AMPD3: variants seen among roughly 807,000 people sequenced by gnomAD.
AMPD3 encodes AMP deaminase 3.
Under a neutral mutation model 82.3 loss-of-function variants are expected in AMPD3, and 57 were observed. The ratio of observed to expected loss-of-function variants is 0.69; its 90% CI spans 0.56 to 0.86. AMPD3 has a LOEUF of 0.86. Ranked by LOEUF, AMPD3 falls within the 40% of genes least tolerant of loss-of-function variation. The pLI is 0.00. For missense variants in AMPD3, 870 were observed against 1,003.8 expected (o/e 0.87, Z 1.80); for synonymous variants, 381 against 394.7 (o/e 0.97, Z 0.41).
At position 10,456,564 on chromosome 11, in the gene AMPD3, A is replaced by C. The variant is rs547997393; in HGVS notation, c.-6+1116A>C. The stretch of plus-strand genomic sequence containing the variant: ...AACTGGCAGTGTTTTAGAACTTTCT[A>C]ACTTTGGGACACTTCTTCAAGTTCA... On this transcript the variant is annotated intron_variant, in intron 1 of 14. Coordinates refer to ENST00000396553, the MANE Select transcript of AMPD3 (RefSeq NM_001025389.2). This position sits in a 1 kb window ranked among gnomAD's most constrained non-coding sequence, Gnocchi z 4.3. 9.1e-6 allele frequency: 9 copies of C among 985,472 alleles called. No individual in the cohort carries two copies. The South Asian group carries it at 4.2e-4, about 46-fold the overall frequency. The allele number at this position is 985,472 out of a possible 1,614,324, so 61.0% of individuals were successfully genotyped here.
At chr11:10,475,843 A>C (rs1848722025) in intron 2 of AMPD3, among the ~76,000 whole-genome samples, 1 of 152,162 alleles carries the variant, frequency 6.6e-6, no homozygotes, top group Admixed American at 6.5e-5. Context: ...CAAAGCCAGC[A>C]AGCAGCCTGG....
rs533012852 is a variant in AMPD3, at chr11:10,504,620, C to G, written c.2088C>G (p.Ile696Met). 2 of 1,614,142 alleles carry G rather than the reference C, an allele frequency of 1.2e-6. No individual in the cohort carries two copies. Among genetic ancestry groups the G allele is most frequent in the African/African-American group, 2.7e-5 (2 of 75,044 alleles). Residue 696 changes from isoleucine (I) to methionine (M), a missense_variant, in exon 14 of 15, where the codon ATC becomes ATG. Coordinates refer to ENST00000396553, the MANE Select transcript of AMPD3 (RefSeq NM_001025389.2). ...WKLSTCDLCEIARNSVLQSGL... is the reference protein window; with the variant it reads ...WKLSTCDLCEMARNSVLQSGL... ...TGAGCACCTGCGACCTGTGTGAGAT[C>G]GCCAGGAACAGCGTGCTGCAGAGCG...
intron 6 of AMPD3, chr11:10,490,354 G>C (rs1849205961): frequency 3.1e-6 from 1 of 318,494 alleles, no homozygotes; most frequent in African/African-American, 2.3e-5. Flanking sequence ...ATAGCAAATA[G>C]GTTTTACCTT....
chr11:10,497,698 A>G, intron 10 of AMPD3: 2 of 984,758 alleles, frequency 2.0e-6, no homozygotes, highest in Non-Finnish European at 2.4e-6. Context: ...TGTTGTGTGG[A>G]GTTGGCCCAG....
intron 13 of AMPD3, among the ~76,000 whole-genome samples, 185 bp downstream of exon 13, chr11:10,503,079 G>T (rs1276557782): frequency 6.6e-6 from 1 of 152,150 alleles, no homozygotes; most frequent in Non-Finnish European, 1.5e-5. Flanking sequence ...TTTCTTTGGG[G>T]TTCTTGAACC....
intron 10 of AMPD3, chr11:10,499,564 C>A: frequency 1.3e-6 from 1 of 746,130 alleles, no homozygotes. Flanking sequence ...CCCTGGTTTG[C>A]TCAATTGTAA....
chr11:10,487,730 C>T (rs1292599071), intron 6 of AMPD3, among the ~76,000 whole-genome samples: 1 of 152,166 alleles, frequency 6.6e-6, no homozygotes, highest in Non-Finnish European at 1.5e-5. Flanking sequence ...AAGAAAGACA[C>T]AGCTGTTAAG....
rs1848084254 is a variant in AMPD3, at chr11:10,456,051, G to A, written c.-6+603G>A. ...TTACTGTTGTAAAGAGGAAGCCGCC[G>A]CTTTAGTTTCCTCTTGTGAGGGCTG... On this transcript the variant is annotated intron_variant, in intron 1 of 14. Transcript: ENST00000396553. This position sits in a 1 kb window ranked among gnomAD's most constrained non-coding sequence, Gnocchi z 4.3. The A allele has an allele frequency of 1.9e-6, 2 of 1,065,234 alleles. No individual in the cohort carries two copies. The highest frequency in any genetic ancestry group is 2.3e-6 in the Non-Finnish European group (2 of 880,628). The allele number at this position is 1,065,234 out of a possible 1,614,324, so 66.0% of individuals were successfully genotyped here.
chr11:10,452,121 T>C (rs900785689), upstream of AMPD3, among the ~76,000 whole-genome samples: 2 of 152,168 alleles, frequency 1.3e-5, no homozygotes, highest in African/African-American at 4.8e-5. Context: ...CTCTGTCTTC[T>C]AAGGTTCTCC....
At position 10,487,400 on chromosome 11, in the gene AMPD3, C is replaced by T. The variant is rs201376797; in HGVS notation, c.939+36C>T. 3.3e-4 allele frequency: 536 copies of T among 1,612,226 alleles called. 8 individuals are homozygous for T. In the South Asian group the frequency reaches 5.2e-3, roughly 16 times the overall value. On this transcript the variant is annotated intron_variant, in intron 6 of 14. Transcript: ENST00000396553. ...GGCGAGTGTTCACAGCTGCCTCACC[C>T]GGTCCCCCTCCCAGCCCATGGGATG...
Position 10,456,384 on chromosome 11 carries a change from G to A in AMPD3, c.-6+936G>A. The A allele has an allele frequency of 6.2e-7, 1 of 1,613,824 alleles. No homozygotes were observed. The highest frequency in any genetic ancestry group is 8.5e-7 in the Non-Finnish European group (1 of 1,179,722). Reference sequence around the variant, plus strand: ...CACTTGAGTGGCATCTTCAGGACCAGTCATGGAGCCAGGCTCAGGTCTGTG... The same window carrying A: ...CACTTGAGTGGCATCTTCAGGACCAATCATGGAGCCAGGCTCAGGTCTGTG... On this transcript the variant is annotated intron_variant, in intron 1 of 14. Coordinates refer to ENST00000396553, the MANE Select transcript of AMPD3 (RefSeq NM_001025389.2). The surrounding 1 kb of genome is among the most constrained non-coding windows in gnomAD (Gnocchi z 4.3).
chr11:10,466,363 G>C (rs1037995921), intron 2 of AMPD3, among the ~76,000 whole-genome samples: 1 of 152,080 alleles, frequency 6.6e-6, no homozygotes, highest in Non-Finnish European at 1.5e-5. Flanking sequence ...GGGGAGGGTC[G>C]TTGGCCATTG....
chr11:10,456,131 A>G lies in AMPD3; in HGVS notation c.-6+683A>G. The G allele has an allele frequency of 1.5e-6, 2 of 1,354,188 alleles. No homozygotes were observed. The highest frequency in any genetic ancestry group is 1.9e-6 in the Non-Finnish European group (2 of 1,052,646). 83.9% of individuals were successfully genotyped at this position (1,354,188 alleles called of 1,614,324 possible). On this transcript the variant is annotated intron_variant, in intron 1 of 14. Transcript: ENST00000396553. This position sits in a 1 kb window ranked among gnomAD's most constrained non-coding sequence, Gnocchi z 4.3. Reference sequence around the variant, plus strand: ...TACCACAGCCATTTTGTTTTGGATAACTGGGATTACCTGGGGACTTCAGGG... The same window carrying G: ...TACCACAGCCATTTTGTTTTGGATAGCTGGGATTACCTGGGGACTTCAGGG...
At chr11:10,455,249 G>T, upstream of AMPD3, 3 of 985,434 alleles carry the variant, frequency 3.0e-6, no homozygotes, top group Non-Finnish European at 3.6e-6. Context: ...CTATGTGTCT[G>T]TTCTGAGCCT....
rs756801671 is a variant in AMPD3 at position 10,501,600 on chromosome 11, T to A, written c.1842+10T>A. The A allele has an allele frequency of 2.5e-6, 4 of 1,614,130 alleles. No individual in the cohort carries two copies. In the South Asian group the frequency reaches 3.3e-5, roughly 13 times the overall value. ...GCTGCTCCTCAAGAAGGTAACCAGG[T>A]CACTCTCGGGAGCCCGTCCTGAGTG... is the stretch of plus-strand genomic sequence containing the variant. On this transcript the variant is annotated intron_variant, in intron 12 of 14. Coordinates refer to ENST00000396553, the MANE Select transcript of AMPD3 (RefSeq NM_001025389.2).
chr11:10,504,319 C>A, intron 13 of AMPD3: 1 of 687,822 alleles, frequency 1.5e-6, no homozygotes, highest in Non-Finnish European at 1.8e-6. Context: ...GGTCTCAGTG[C>A]TGGTCAATGA....
intron 6 of AMPD3, 141 bp from the exon 7 acceptor site, chr11:10,493,208 G>C (rs1247298281): frequency 9.6e-6 from 9 of 934,860 alleles, no homozygotes; most frequent in Admixed American, 1.7e-5. Flanking sequence ...GAGAAATGGG[G>C]GGTGGGATCC....
At chr11:10,451,085 C>T, upstream of AMPD3, 1 of 1,556,998 alleles carries the variant, frequency 6.4e-7, no homozygotes, top group East Asian at 2.4e-5. Context: ...TGGGCCAGCC[C>T]CGCGGACCCT....
intron 6 of AMPD3, chr11:10,488,425 A>G: frequency 1.0e-6 from 1 of 985,184 alleles, no homozygotes; most frequent in Non-Finnish European, 1.2e-6. Context: ...CATTCCAGGT[A>G]GAGGCACGTG....
Sources: allele counts gnomAD v4.1 joint callset (sites outside exome capture counted in the v4.1 genomes callset), GRCh38; gene constraint gnomAD v4.1.1; non-coding constraint Gnocchi (gnomAD v3.1); transcripts MANE v1.5; gene names NCBI Gene and HGNC (gene_info 2026-07-23, HGNC 2026-07-21).